Variants in DCC observed in about 807,000 individuals in gnomAD.
The protein encoded by DCC is netrin receptor DCC.
DCC carries 58 observed loss-of-function variants against 172.5 expected under a neutral mutation model. The ratio of observed to expected loss-of-function variants is 0.34; its 90% confidence interval spans 0.27 to 0.42. The LOEUF (loss-of-function observed/expected upper bound fraction) is 0.42, where lower values mean the gene tolerates loss of function less well. DCC is among the 10% of genes least tolerant of loss of function. The pLI is 1.00. For missense variants in DCC, 1,740 were observed against 1,791.0 expected, an observed-to-expected ratio of 0.97 and a Z score of 0.51; for synonymous variants, 709 against 644.5, an observed-to-expected ratio of 1.10 and a Z score of -1.52.
chr18:52,489,158 G>A (rs2030373696), intron 1 of DCC, among the ~76,000 whole-genome samples: 1 of 152,062 alleles, frequency 6.6e-6, no homozygotes, highest in South Asian at 2.1e-4. Context: ...GATTCAGTAA[G>A]TTTGAGGTAG....
chr18:53,274,992 C>T (rs1017864155), intron 12 of DCC, among the ~76,000 whole-genome samples: 1 of 152,116 alleles, frequency 6.6e-6, no homozygotes, highest in Non-Finnish European at 1.5e-5. Context: ...ACTCTCAAAT[C>T]TTGTCCTCTA....
chr18:53,362,179 A>T (rs907871480), intron 15 of DCC, among the ~76,000 whole-genome samples: 1 of 152,212 alleles, frequency 6.6e-6, no homozygotes, highest in African/African-American at 2.4e-5. Flanking sequence ...AACTTGCAGT[A>T]AAACTTTGGG....
At chr18:53,162,859 C>T (rs2144413772) in intron 8 of DCC, among the ~76,000 whole-genome samples, 1 of 152,264 alleles carries the variant, frequency 6.6e-6, no homozygotes, top group African/African-American at 2.4e-5. Flanking sequence ...ATATAATATT[C>T]CTATGGGCAA....
intron 15 of DCC, among the ~76,000 whole-genome samples, chr18:53,341,465 A>T (rs529294119): frequency 1.4e-4 from 21 of 152,320 alleles, no homozygotes; most frequent in African/African-American, 4.8e-4. Context: ...AATATATTCT[A>T]AAGAGCTAGG....
intron 2 of DCC, among the ~76,000 whole-genome samples, chr18:52,859,003 T>C (rs1000001379): frequency 6.6e-6 from 1 of 151,994 alleles, no homozygotes; most frequent in African/African-American, 2.4e-5. Flanking sequence ...TTACTTTTCA[T>C]ATATTAGTGA....
rs118012675 is a variant in DCC at position 52,832,916 on chromosome 18, T to A, written c.413-73128T>A. On this transcript the variant is annotated intron_variant, in intron 2 of 28. Coordinates refer to ENST00000442544, the MANE Select transcript of DCC (RefSeq NM_005215.4). ...ATGGCAATTCCAGACATTACTAAAT[T>A]TTTTTTTCCAAAATTTAAAATGTAC... 8.5e-5 allele frequency among the ~76,000 whole-genome samples: 13 copies of A among 152,106 alleles called. No homozygotes were observed. The East Asian group carries it at 2.5e-3, about 29-fold the overall frequency.
At chr18:52,782,626 C>T (rs1428220092) in intron 2 of DCC, among the ~76,000 whole-genome samples, 1 of 152,102 alleles carries the variant, frequency 6.6e-6, no homozygotes, top group African/African-American at 2.4e-5. Context: ...CTCAGCCTTT[C>T]TCCATGTGCA....
intron 5 of DCC, among the ~76,000 whole-genome samples, chr18:52,946,997 A>ACTCACCTCAC (rs67899579): frequency 6.6e-6 from 1 of 151,806 alleles, no homozygotes. Flanking sequence ...TGGCTCACCT[A>ACTCACCTCAC]CTCACCTCAC....
chr18:52,679,379 C>A lies in DCC; in HGVS notation c.92-72675C>A, dbSNP rs114806714. On this transcript the variant is annotated intron_variant, in intron 1 of 28. Transcript: ENST00000442544. ...GATAGTGTGTTCATTCTAAAGCTAA[C>A]TTTTAGAAATTATTTTGTTGTTGAT... Among the ~76,000 whole-genome samples the A allele has an allele frequency of 4.6e-3, 700 of 152,132 alleles. 7 individuals carry two copies. Among genetic ancestry groups the A allele is most frequent in the African/African-American group, 0.016 (671 of 41,530 alleles).
intron 9 of DCC, among the ~76,000 whole-genome samples, chr18:53,184,002 T>A (rs1461794265): frequency 2.9e-5 from 4 of 138,436 alleles, no homozygotes; most frequent in South Asian, 2.4e-4. Flanking sequence ...GCATCTCATT[T>A]AAAAAAAAAA....
chr18:52,608,062 T>A (rs1005283829), intron 1 of DCC, among the ~76,000 whole-genome samples: 7 of 152,136 alleles, frequency 4.6e-5, no homozygotes, highest in African/African-American at 1.7e-4. Flanking sequence ...AACTTCTTTA[T>A]AAAGAAATGG....
chr18:53,009,153 T>G (rs1034357586), intron 5 of DCC, among the ~76,000 whole-genome samples: 1 of 151,928 alleles, frequency 6.6e-6, no homozygotes, highest in Non-Finnish European at 1.5e-5. Context: ...ATATCTGAGT[T>G]GACCATATGT....
intron 2 of DCC, among the ~76,000 whole-genome samples, chr18:52,770,504 G>T (rs899187890): frequency 6.6e-6 from 1 of 152,172 alleles, no homozygotes; most frequent in Non-Finnish European, 1.5e-5. Flanking sequence ...CCTCACTAGA[G>T]TGAAGGCTTC....
chr18:53,354,102 T>C (rs2057848055), intron 15 of DCC, among the ~76,000 whole-genome samples: 1 of 152,244 alleles, frequency 6.6e-6, no homozygotes, highest in Admixed American at 6.5e-5. Flanking sequence ...TCACCCTTTT[T>C]TATGGCTGCA....
chr18:52,389,972 A>G (rs1260705417), intron 1 of DCC, among the ~76,000 whole-genome samples: 3 of 152,002 alleles, frequency 2.0e-5, no homozygotes, highest in Non-Finnish European at 4.4e-5. Context: ...TATTATACCA[A>G]TTTTTCATAT....
In DCC at chr18:52,540,279, T is replaced by A. The variant is rs188274370; in HGVS notation, c.91+199401T>A. 5.3e-5 allele frequency among the ~76,000 whole-genome samples: 8 copies of A among 152,066 alleles called. No individual in the cohort carries two copies. The East Asian group carries it at 5.8e-4, about 11-fold the overall frequency. On this transcript the variant is annotated intron_variant, in intron 1 of 28. Transcript: ENST00000442544. ...AGCAAGGCCTTGTCTCTAAAAAAAA[T>A]TTTTTTAAATAATGATGTGCACCTG...
chr18:53,302,280 A>G (rs969812728), intron 12 of DCC, among the ~76,000 whole-genome samples: 5 of 152,164 alleles, frequency 3.3e-5, no homozygotes, highest in Non-Finnish European at 7.3e-5. Context: ...TATTTTGACA[A>G]TTGTATCCAT....
intron 1 of DCC, among the ~76,000 whole-genome samples, chr18:52,701,990 T>A (rs2036132216): frequency 6.6e-6 from 1 of 152,204 alleles, no homozygotes; most frequent in African/African-American, 2.4e-5. Flanking sequence ...AATTGTCCTA[T>A]GCATCTCTTG....
chr18:53,416,848 G>A (rs913498751), intron 21 of DCC, among the ~76,000 whole-genome samples: 2 of 152,180 alleles, frequency 1.3e-5, no homozygotes, highest in Admixed American at 6.5e-5. Context: ...ACCGTGATTT[G>A]TAGACTGATT....
Sources: gnomAD v4.1 joint callset for allele counts (sites outside exome capture counted in the v4.1 genomes callset) on GRCh38, gnomAD v4.1.1 for gene constraint, MANE v1.5 for transcripts, NCBI Gene and HGNC (gene_info 2026-07-23, HGNC 2026-07-21) for gene names.